The following EPHB1 variants were observed in gnomAD, a reference collection of about 807,000 sequenced individuals.
EPHB1 encodes the protein EPH receptor B1, also known as ephrin type-B receptor 1.
In EPHB1, 30 loss-of-function variants were observed where a neutral mutation model predicts 94.4. The ratio of observed to expected loss-of-function variants is 0.32; its 90% confidence interval spans 0.24 to 0.43. EPHB1 has a LOEUF of 0.43. EPHB1 is among the 20% of genes least tolerant of loss of function. The pLI is 1.00. For missense variants in EPHB1, 1,055 were observed against 1,308.3 expected (o/e 0.81, Z 2.99); for synonymous variants, 522 against 489.1 (o/e 1.07, Z -0.89).
intron 3 of EPHB1, among the ~76,000 whole-genome samples, chr3:135,030,255 T>A (rs10935152): frequency 6.6e-6 from 1 of 152,100 alleles, no homozygotes; most frequent in Non-Finnish European, 1.5e-5. Context: ...AGCTTTGTTC[T>A]GTTGCTGGTG....
intron 3 of EPHB1, among the ~76,000 whole-genome samples, chr3:134,991,282 G>A (rs1341621360): frequency 2.6e-5 from 4 of 152,116 alleles, no homozygotes; most frequent in Non-Finnish European, 5.9e-5. Flanking sequence ...CTCCCTTTCT[G>A]TAACTGTGGA....
Position 134,951,756 on chromosome 3 carries a change from G to A in EPHB1, c.509G>A (p.Arg170Gln), listed in dbSNP as rs563780078. ...GTCAGGAGCTTTGGGCCTCTTACTC[G>A]GAATGGTTTTTACCTCGCTTTTCAG... ...TEVRSFGPLT[R>Q]NGFYLAFQDY... The change falls in exon 3 of 16, where the codon CGG (arginine) becomes CAG (glutamine). Residue 170 changes from arginine (R) to glutamine (Q), a missense_variant. Coordinates refer to ENST00000398015, the MANE Select transcript of EPHB1 (RefSeq NM_004441.5). This position sits in a 1 kb window ranked among gnomAD's most constrained non-coding sequence, Gnocchi z 4.5. 1.7e-5 allele frequency: 28 copies of A among 1,613,886 alleles called. No individual in the cohort carries two copies. In the South Asian group the frequency reaches 1.8e-4, roughly 10 times the overall value.
At chr3:134,891,081 CAT>C (rs1338450704) in intron 1 of EPHB1, among the ~76,000 whole-genome samples, 1 of 152,166 alleles carries the variant, frequency 6.6e-6, no homozygotes, top group Non-Finnish European at 1.5e-5. Context: ...GCTAAACAAT[CAT>C]AGTAAATGTG....
intron 1 of EPHB1, among the ~76,000 whole-genome samples, chr3:134,824,288 G>C (rs189658867): frequency 1.3e-3 from 194 of 152,188 alleles, no homozygotes; most frequent in African/African-American, 4.3e-3. Context: ...GAAGTACTGG[G>C]AGGCATGTGG....
intron 3 of EPHB1, among the ~76,000 whole-genome samples, chr3:135,101,102 C>T (rs900096787): frequency 5.3e-5 from 8 of 152,098 alleles, no homozygotes; most frequent in African/African-American, 1.9e-4. Flanking sequence ...TTAGAAATGT[C>T]CAGCCCTCCA....
At chr3:135,181,078 C>T (rs1437681704) in intron 10 of EPHB1, among the ~76,000 whole-genome samples, 2 of 152,212 alleles carry the variant, frequency 1.3e-5, no homozygotes, top group Admixed American at 1.3e-4. Flanking sequence ...ATGTCACCAT[C>T]TTTCTGTTCA....
intron 6 of EPHB1, among the ~76,000 whole-genome samples, chr3:135,158,332 T>A (rs1010243765): frequency 6.6e-6 from 1 of 152,208 alleles, no homozygotes; most frequent in South Asian, 2.1e-4. Flanking sequence ...GCTTTTCCTG[T>A]AAAGAACCAG....
At chr3:134,915,047 A>G (rs2107696581) in intron 1 of EPHB1, among the ~76,000 whole-genome samples, 1 of 152,250 alleles carries the variant, frequency 6.6e-6, no homozygotes, top group South Asian at 2.1e-4. Flanking sequence ...CTTTGGAGGA[A>G]GCACCTGGCC....
At chr3:135,132,690 T>C in intron 4 of EPHB1, 24 bp from the exon 5 acceptor site, 4 of 1,550,904 alleles carry the variant, frequency 2.6e-6, no homozygotes, top group Non-Finnish European at 2.6e-6. Context: ...CTAGCCTCAC[T>C]GGACCTTCTT....
intron 3 of EPHB1, among the ~76,000 whole-genome samples, chr3:135,034,953 G>C (rs1936600506): frequency 6.6e-6 from 1 of 152,240 alleles, no homozygotes; most frequent in Non-Finnish European, 1.5e-5. Context: ...GCTGAAGAAG[G>C]ATACAGAGAA....
At chr3:134,934,789 A>C (rs1007657852) in intron 2 of EPHB1, among the ~76,000 whole-genome samples, 7 of 152,110 alleles carry the variant, frequency 4.6e-5, no homozygotes, top group African/African-American at 1.7e-4. Flanking sequence ...GGTTCACCAG[A>C]TCCTTACTGT....
chr3:135,118,231 T>C (rs955779460), intron 4 of EPHB1, among the ~76,000 whole-genome samples: 1 of 152,160 alleles, frequency 6.6e-6, no homozygotes, highest in Non-Finnish European at 1.5e-5. Context: ...CACCAAGTCT[T>C]CGGAGACAGA....
At chr3:135,219,714 T>C (rs1234374847) in intron 12 of EPHB1, among the ~76,000 whole-genome samples, 1 of 152,250 alleles carries the variant, frequency 6.6e-6, no homozygotes, top group Non-Finnish European at 1.5e-5. Flanking sequence ...GACCACAAGA[T>C]GTTAAATAAC....
intron 1 of EPHB1, among the ~76,000 whole-genome samples, chr3:134,891,136 T>C (rs6779978): frequency 0.52 from 79,565 of 152,100 alleles, 21,122 homozygotes; most frequent in South Asian, 0.62. Context: ...GACAGGGTCT[T>C]ACTGCGTCAC....
At chr3:135,100,068 T>TG (rs1218800914) in intron 3 of EPHB1, among the ~76,000 whole-genome samples, 1 of 152,110 alleles carries the variant, frequency 6.6e-6, no homozygotes, top group Non-Finnish European at 1.5e-5. Context: ...CAAACTCATT[T>TG]GGGGAAAAAA....
At chr3:134,868,478 T>C (rs2037426881) in intron 1 of EPHB1, among the ~76,000 whole-genome samples, 1 of 152,118 alleles carries the variant, frequency 6.6e-6, no homozygotes, top group South Asian at 2.1e-4. Flanking sequence ...AAAATTGATT[T>C]GGAAGGTAAA....
At position 135,132,781 on chromosome 3, in the gene EPHB1, C is replaced by T. The variant is rs767559840; in HGVS notation, c.1029C>T (p.His343=). 2 of 1,613,328 alleles carry T rather than the reference C, an allele frequency of 1.2e-6. No homozygotes were observed. Among genetic ancestry groups the T allele is most frequent in the Non-Finnish European group, 1.7e-6 (2 of 1,179,356 alleles). The change falls in exon 5 of 16, where the codon CAC becomes CAT. Residue 343 remains histidine (H), a synonymous_variant. Coordinates refer to ENST00000398015, the MANE Select transcript of EPHB1 (RefSeq NM_004441.5). ...AGACGTCCATCATTCTGGAGTGGCA[C>T]CCTCCAAGGGAGACAGGTGGGCGGG... The part of the protein sequence containing the change: ...VNETSIILEW[H]PPRETGGRDD...
At position 134,903,284 on chromosome 3, in the gene EPHB1, G is replaced by A. The variant is rs559603414; in HGVS notation, c.59-22532G>A. 3.3e-5 allele frequency among the ~76,000 whole-genome samples: 5 copies of A among 152,328 alleles called. 1 individual carries two copies. The South Asian group carries it at 1.0e-3, about 32-fold the overall frequency. Reference sequence around the variant, plus strand: ...CTCTGAGAGCCTGCTCAGGGCTCCAGTCTGGGCTCCTGCATTCCAGGCATC... The same window carrying A: ...CTCTGAGAGCCTGCTCAGGGCTCCAATCTGGGCTCCTGCATTCCAGGCATC... On this transcript the variant is annotated intron_variant, in intron 1 of 15. Transcript: ENST00000398015.
intron 11 of EPHB1, among the ~76,000 whole-genome samples, chr3:135,193,481 G>A (rs1350836349): frequency 6.6e-6 from 1 of 152,188 alleles, no homozygotes; most frequent in Admixed American, 6.5e-5. Context: ...TTTCATTTCT[G>A]TAGGGTATCA....
Sources: allele counts gnomAD v4.1 joint callset (sites outside exome capture counted in the v4.1 genomes callset), GRCh38; gene constraint gnomAD v4.1.1; non-coding constraint Gnocchi (gnomAD v3.1); transcripts MANE v1.5; gene names NCBI Gene and HGNC (gene_info 2026-07-23, HGNC 2026-07-21).